ROR1: variants seen among roughly 807,000 people sequenced by gnomAD.
The protein encoded by ROR1 is ROR family WNT receptor 1, also known as inactive tyrosine-protein kinase transmembrane receptor ROR1.
Under a neutral mutation model 78.8 loss-of-function variants are expected in ROR1, and 19 were observed. That is an observed-to-expected ratio of 0.24 (90% CI 0.17 to 0.35). The LOEUF is 0.35. Ranked by LOEUF, ROR1 falls within the 10% of genes least tolerant of loss-of-function variation. The probability of loss-of-function intolerance (pLI) is 1.00; values close to 1 mark genes in which losing one functional copy is unlikely to be tolerated. For synonymous variants in ROR1, 386 were observed against 433.6 expected (o/e 0.89, Z 1.36); for missense variants, 917 against 1,177.8 (o/e 0.78, Z 3.24).
rs113237575 is a variant in ROR1 at position 64,057,844 on chromosome 1, A to G, written c.482+7128A>G. 4.3e-3 allele frequency among the ~76,000 whole-genome samples: 661 copies of G among 152,226 alleles called. 6 individuals are homozygous for G. Among genetic ancestry groups the G allele is most frequent in the African/African-American group, 0.015 (631 of 41,532 alleles). On this transcript the variant is annotated intron_variant, in intron 4 of 8. Coordinates refer to ENST00000371079, the MANE Select transcript of ROR1 (RefSeq NM_005012.4). ...CTGAGTGCTTTGCATTTCCATATGA[A>G]TTTTAGGGTCAGCTTATTAATTTAT...
At chr1:64,097,592 G>A (rs1252675685) in intron 4 of ROR1, among the ~76,000 whole-genome samples, 1 of 125,604 alleles carries the variant, frequency 8.0e-6, no homozygotes. Flanking sequence ...TATATATAAG[G>A]CCTTGAGACA....
chr1:63,997,779 T>G (rs1646350058), intron 1 of ROR1, among the ~76,000 whole-genome samples: 1 of 151,872 alleles, frequency 6.6e-6, no homozygotes, highest in African/African-American at 2.4e-5. Context: ...AATCATTACA[T>G]TAAACACTCT....
chr1:63,873,537 T>A (rs1045970183), intron 1 of ROR1, among the ~76,000 whole-genome samples: 1 of 152,304 alleles, frequency 6.6e-6, no homozygotes, highest in Admixed American at 6.5e-5. Flanking sequence ...TCATTTAAAT[T>A]GTTTTGACTG....
At chr1:63,886,277 C>A (rs998208575) in intron 1 of ROR1, among the ~76,000 whole-genome samples, 8 of 152,166 alleles carry the variant, frequency 5.3e-5, no homozygotes, top group African/African-American at 1.7e-4. Context: ...TCCTAACAGG[C>A]CATGGACTAG....
intron 4 of ROR1, among the ~76,000 whole-genome samples, chr1:64,053,669 T>A (rs1646851019): frequency 6.6e-6 from 1 of 152,192 alleles, no homozygotes; most frequent in African/African-American, 2.4e-5. Context: ...AACGTTAAAA[T>A]TTTAAAATAC....
At chr1:63,954,337 C>T (rs1645964793) in intron 1 of ROR1, among the ~76,000 whole-genome samples, 1 of 152,218 alleles carries the variant, frequency 6.6e-6, no homozygotes, top group Admixed American at 6.5e-5. Flanking sequence ...CAACTTCTCA[C>T]ATTCTGCAGG....
At chr1:63,992,180 AATTATT>A (rs569361556) in intron 1 of ROR1, among the ~76,000 whole-genome samples, 1 of 151,094 alleles carries the variant, frequency 6.6e-6, no homozygotes, top group Non-Finnish European at 1.5e-5. Flanking sequence ...GGAATAGGTT[AATTATT>A]ATTATTATTA....
chr1:63,891,505 T>A (rs1347643711), intron 1 of ROR1, among the ~76,000 whole-genome samples: 1 of 152,160 alleles, frequency 6.6e-6, no homozygotes, highest in African/African-American at 2.4e-5. Context: ...AAGTGTGATG[T>A]TAATTTTAGG....
At chr1:63,852,519 A>G (rs1207420166) in intron 1 of ROR1, among the ~76,000 whole-genome samples, 1 of 152,204 alleles carries the variant, frequency 6.6e-6, no homozygotes, top group Non-Finnish European at 1.5e-5. Flanking sequence ...TTTTATTCAC[A>G]GATGCCTTGA....
chr1:64,060,617 G>A (rs1646909585), intron 4 of ROR1, among the ~76,000 whole-genome samples: 1 of 152,166 alleles, frequency 6.6e-6, no homozygotes. Flanking sequence ...TACTCAAGCA[G>A]TTCAGGGGGG....
intron 7 of ROR1, among the ~76,000 whole-genome samples, chr1:64,157,638 T>C (rs1307448050): frequency 6.6e-6 from 1 of 152,216 alleles, no homozygotes; most frequent in East Asian, 1.9e-4. Flanking sequence ...TTTATTCTCA[T>C]TTACATGTAC....
chr1:63,795,152 C>A (rs1173509892), intron 1 of ROR1, among the ~76,000 whole-genome samples: 1 of 151,988 alleles, frequency 6.6e-6, no homozygotes, highest in Non-Finnish European at 1.5e-5. Context: ...CAGGCTGGTG[C>A]TCCAGAGGGC....
Position 63,919,572 on chromosome 1 carries a change from A to G in ROR1, c.92-89733A>G, listed in dbSNP as rs138967130. On this transcript the variant is annotated intron_variant, in intron 1 of 8. Transcript: ENST00000371079. ...TGTTTCAGCAAGATAGAGGAAACTTACACAGAGACAGCAGAGCATAATGGG... is the reference window on the plus strand; with the variant it reads ...TGTTTCAGCAAGATAGAGGAAACTTGCACAGAGACAGCAGAGCATAATGGG... 1.9e-3 allele frequency among the ~76,000 whole-genome samples: 281 copies of G among 150,706 alleles called. 2 individuals carry two copies. Among genetic ancestry groups the G allele is most frequent in the African/African-American group, 6.6e-3 (271 of 40,868 alleles).
intron 1 of ROR1, among the ~76,000 whole-genome samples, chr1:63,897,105 C>T (rs929710885): frequency 1.7e-4 from 26 of 152,318 alleles, no homozygotes; most frequent in Middle Eastern, 6.8e-3. Flanking sequence ...CTCTTATTCA[C>T]TATTGGTACT....
intron 1 of ROR1, among the ~76,000 whole-genome samples, chr1:63,975,551 G>A (rs1258753856): frequency 1.3e-5 from 2 of 152,140 alleles, no homozygotes; most frequent in East Asian, 3.9e-4. Context: ...CAGTTATGCG[G>A]AAACCTTTCT....
At chr1:63,812,651 C>G (rs866166697) in intron 1 of ROR1, among the ~76,000 whole-genome samples, 4 of 152,188 alleles carry the variant, frequency 2.6e-5, no homozygotes, top group South Asian at 2.1e-4. Flanking sequence ...ACAGTGCTAC[C>G]TATGAAACAG....
chr1:64,005,056 A>G (rs772432484), intron 1 of ROR1, among the ~76,000 whole-genome samples: 2 of 152,246 alleles, frequency 1.3e-5, no homozygotes, highest in Non-Finnish European at 2.9e-5. Context: ...AAAACCTCAC[A>G]AAATGAAAAG....
chr1:64,006,528 C>G (rs545039497), intron 1 of ROR1, among the ~76,000 whole-genome samples: 2 of 152,190 alleles, frequency 1.3e-5, no homozygotes, highest in African/African-American at 4.8e-5. Context: ...ACGAAATACC[C>G]GTTCCCCAAA....
intron 1 of ROR1, chr1:63,843,354 T>C (rs1171172436): frequency 1.1e-6 from 1 of 925,842 alleles, no homozygotes; most frequent in Non-Finnish European, 1.8e-6. Flanking sequence ...CATTTTGCTT[T>C]TAAGGGGAGC....
Sources: allele counts gnomAD v4.1 joint callset (sites outside exome capture counted in the v4.1 genomes callset), GRCh38; gene constraint gnomAD v4.1.1; transcripts MANE v1.5; gene names NCBI Gene and HGNC (gene_info 2026-07-23, HGNC 2026-07-21).